Variants in PRMT8 observed in about 807,000 individuals in gnomAD.
The protein encoded by PRMT8 is protein arginine N-methyltransferase 8.
Under a neutral mutation model 47.1 loss-of-function variants are expected in PRMT8, and 7 were observed. That is an observed-to-expected ratio of 0.15 (90% CI 0.08 to 0.28). PRMT8 has a LOEUF of 0.28. PRMT8 is among the 10% of genes least tolerant of loss of function. PRMT8 has a pLI of 1.00. For synonymous variants in PRMT8, 188 were observed against 186.5 expected, an observed-to-expected ratio of 1.01 and a Z score of -0.07; for missense variants, 237 against 505.4, an observed-to-expected ratio of 0.47 and a Z score of 5.09.
chr12:3,559,634 A>G (rs868171152), intron 4 of PRMT8, among the ~76,000 whole-genome samples: 3 of 152,136 alleles, frequency 2.0e-5, no homozygotes, highest in Non-Finnish European at 4.4e-5. Context: ...TATTGGTAAT[A>G]TGTTTGCTTA....
At chr12:3,519,786 G>T (rs942296566) in intron 1 of PRMT8, among the ~76,000 whole-genome samples, 1 of 152,190 alleles carries the variant, frequency 6.6e-6, no homozygotes, top group Non-Finnish European at 1.5e-5. Flanking sequence ...GGGCTGCAGG[G>T]TTGGATGGGG....
At chr12:3,498,686 T>A (rs531398282) in intron 1 of PRMT8, among the ~76,000 whole-genome samples, 1 of 152,342 alleles carries the variant, frequency 6.6e-6, no homozygotes, top group South Asian at 2.1e-4. Context: ...ATATTAGATC[T>A]GGACTCTCAT....
At chr12:3,408,658 C>T (rs922938082) in intron 1 of PRMT8, among the ~76,000 whole-genome samples, 2 of 152,154 alleles carry the variant, frequency 1.3e-5, no homozygotes, top group Non-Finnish European at 2.9e-5. Flanking sequence ...TCTTTTACCC[C>T]TGCATTAATA....
intron 1 of PRMT8, chr12:3,469,154 G>C: frequency 2.0e-6 from 1 of 498,340 alleles, no homozygotes; most frequent in Non-Finnish European, 4.0e-6. Context: ...CAAGCTGTAA[G>C]TGAAGCTATA....
chr12:3,396,974 C>T (rs9706077), intron 1 of PRMT8, among the ~76,000 whole-genome samples: 74,202 of 151,038 alleles, frequency 0.49, 19,551 homozygotes, highest in East Asian at 0.85. Context: ...CATCTTCCAT[C>T]GCTGATACCC....
chr12:3,571,285 G>A (rs144525708), intron 6 of PRMT8, among the ~76,000 whole-genome samples: 1 of 152,306 alleles, frequency 6.6e-6, no homozygotes, highest in Non-Finnish European at 1.5e-5. Flanking sequence ...TTGATCAAAT[G>A]CATGTATAAA....
chr12:3,420,427 C>A (rs1326132675), intron 1 of PRMT8, among the ~76,000 whole-genome samples: 2 of 152,204 alleles, frequency 1.3e-5, no homozygotes, highest in Non-Finnish European at 2.9e-5. Context: ...TATGAACCCC[C>A]TTCCATATTG....
At chr12:3,381,613 CCA>C in intron 1 of PRMT8, among the ~76,000 whole-genome samples, 1 of 152,316 alleles carries the variant, frequency 6.6e-6, no homozygotes, top group African/African-American at 2.4e-5. Context: ...CTTTGCGGCT[CCA>C]CAGTCTTGTT....
At chr12:3,496,212 A>ATTTTTTTTTTTTTTTTTTTTTTTTT (rs1444249290) in intron 1 of PRMT8, among the ~76,000 whole-genome samples, 3 of 19,396 alleles carry the variant, frequency 1.5e-4, no homozygotes, top group Non-Finnish European at 2.4e-4. Flanking sequence ...ATATATATAT[A>ATTTTTTTTTTTTTTTTTTTTTTTTT]TATTTTTTTT....
At chr12:3,562,166 C>T (rs551466233) in intron 4 of PRMT8, among the ~76,000 whole-genome samples, 4 of 152,042 alleles carry the variant, frequency 2.6e-5, no homozygotes, top group African/African-American at 4.8e-5. Flanking sequence ...ATGATTATTC[C>T]GTTTATTAAC....
chr12:3,516,423 G>A (rs1159190587), intron 1 of PRMT8, among the ~76,000 whole-genome samples: 1 of 152,182 alleles, frequency 6.6e-6, no homozygotes, highest in African/African-American at 2.4e-5. Flanking sequence ...TCTATAAACT[G>A]GGATTATAGT....
At chr12:3,426,375 G>A (rs1163656866) in intron 1 of PRMT8, among the ~76,000 whole-genome samples, 2 of 152,180 alleles carry the variant, frequency 1.3e-5, no homozygotes, top group Non-Finnish European at 2.9e-5. Context: ...AAAAAATGGT[G>A]GGGGCAGTCC....
chr12:3,467,673 C>CAACACTTACAACATTCA (rs1865115461), intron 1 of PRMT8, among the ~76,000 whole-genome samples: 1 of 152,182 alleles, frequency 6.6e-6, no homozygotes, highest in African/African-American at 2.4e-5. Context: ...CACTTAGAGA[C>CAACACTTACAACATTCA]AACACTTACA....
chr12:3,550,071 G>A lies in PRMT8; in HGVS notation c.397G>A (p.Gly133Arg), dbSNP rs1367848762. ...CCTTTCCATGTTCGCTGCCAAGGCAGGGGCCAAGAAGGTGTTTGGGGTGAG... is the reference window on the plus strand; with the variant it reads ...CCTTTCCATGTTCGCTGCCAAGGCAAGGGCCAAGAAGGTGTTTGGGGTGAG... ...GILSMFAAKA[G>R]AKKVFGIECS... Residue 133 changes from glycine (G) to arginine (R), a missense_variant, in exon 3 of 10, where the codon GGG becomes AGG. Coordinates refer to ENST00000382622, the MANE Select transcript of PRMT8 (RefSeq NM_019854.5). The surrounding 1 kb of genome is among the most constrained non-coding windows in gnomAD (Gnocchi z 5.1). 1 of 1,614,074 alleles carries A rather than the reference G, an allele frequency of 6.2e-7. No individual in the cohort carries two copies. Among genetic ancestry groups the A allele is most frequent in the Non-Finnish European group, 8.5e-7 (1 of 1,180,032 alleles).
At chr12:3,579,321 C>T (rs1750407594) in intron 7 of PRMT8, among the ~76,000 whole-genome samples, 1 of 152,140 alleles carries the variant, frequency 6.6e-6, no homozygotes, top group South Asian at 2.1e-4. Context: ...GCAGGTGTAG[C>T]CACTGCATTT....
chr12:3,423,737 G>A (rs1176029969), intron 1 of PRMT8, among the ~76,000 whole-genome samples: 2 of 152,120 alleles, frequency 1.3e-5, no homozygotes. Context: ...TGTAACTTTG[G>A]GAATTTACCA....
chr12:3,403,320 G>C (rs1234779169), intron 1 of PRMT8, among the ~76,000 whole-genome samples: 1 of 152,076 alleles, frequency 6.6e-6, no homozygotes, highest in Non-Finnish European at 1.5e-5. Context: ...CTATGGGAGG[G>C]GTTGGGGGAA....
upstream of PRMT8, among the ~76,000 whole-genome samples, chr12:3,490,675 AAGAGAGAGAGAGAG>A (rs370069857): frequency 4.4e-3 from 533 of 121,114 alleles, 8 homozygotes; most frequent in East Asian, 0.063. Context: ...TTTGGGTACA[AAGAGAGAGAGAGAG>A]AGAGAGAGAG....
chr12:3,388,443 G>A (rs551938656), intron 1 of PRMT8, among the ~76,000 whole-genome samples: 4 of 152,268 alleles, frequency 2.6e-5, no homozygotes, highest in South Asian at 4.1e-4. Context: ...TCTACATTGC[G>A]GAAGTACCAT....
Sources: allele counts gnomAD v4.1 joint callset (sites outside exome capture counted in the v4.1 genomes callset), GRCh38; gene constraint gnomAD v4.1.1; non-coding constraint Gnocchi (gnomAD v3.1); transcripts MANE v1.5; gene names NCBI Gene and HGNC (gene_info 2026-07-23, HGNC 2026-07-21).